The following CNTN4 variants were observed in gnomAD, a reference collection of about 807,000 sequenced individuals.
CNTN4 encodes the protein contactin-4.
Under a neutral mutation model 122.5 loss-of-function variants are expected in CNTN4, and 77 were observed. The observed-to-expected ratio is 0.63, with a 90% CI of 0.52 to 0.76. CNTN4 has a LOEUF of 0.76. CNTN4 is among the 30% of genes least tolerant of loss of function. The pLI, the probability that CNTN4 is intolerant of heterozygous loss-of-function variation, is 0.00. For missense variants in CNTN4, 1,256 were observed against 1,259.1 expected (o/e 1.00, Z 0.04); for synonymous variants, 512 against 447.0 (o/e 1.15, Z -1.83).
At chr3:2,867,362 A>G (rs182049623) in intron 8 of CNTN4, among the ~76,000 whole-genome samples, 23 of 152,354 alleles carry the variant, frequency 1.5e-4, no homozygotes, top group African/African-American at 5.5e-4. Context: ...TACTGAACGC[A>G]TAGTTCCCAC....
At chr3:2,288,385 T>C (rs1486815653) in intron 2 of CNTN4, among the ~76,000 whole-genome samples, 1 of 152,088 alleles carries the variant, frequency 6.6e-6, no homozygotes, top group East Asian at 1.9e-4. Context: ...GGTGGCAGGC[T>C]CTTTTTAACA....
At chr3:2,154,526 C>T (rs2035636043) in intron 2 of CNTN4, among the ~76,000 whole-genome samples, 1 of 152,092 alleles carries the variant, frequency 6.6e-6, no homozygotes, top group East Asian at 1.9e-4. Context: ...TTGTCTGAGT[C>T]TGTGTGCAAA....
At position 2,900,754 on chromosome 3, in the gene CNTN4, G is replaced by A; in HGVS notation, c.1010G>A (p.Cys337Tyr). The A allele has an allele frequency of 6.2e-7, 1 of 1,613,966 alleles. No homozygotes were observed. The highest frequency in any genetic ancestry group is 8.5e-7 in the Non-Finnish European group (1 of 1,179,830). ...ATGGAAGAAAATGTCTTTTGGGAAT[G>A]TAAAGCAAATGGAAGGCCTAAGCCT... ...VAMEENVFWECKANGRPKPTY... is the reference protein window; with the variant it reads ...VAMEENVFWEYKANGRPKPTY... The change falls in exon 11 of 25, where the codon TGT becomes TAT. Residue 337 changes from cysteine (C) to tyrosine (Y), a missense_variant. Coordinates refer to ENST00000418658, the MANE Select transcript of CNTN4 (RefSeq NM_175607.3).
chr3:2,925,599 A>T (rs201402367), intron 12 of CNTN4, 30 bp from the exon 13 acceptor site: 2 of 1,605,544 alleles, frequency 1.2e-6, no homozygotes, highest in African/African-American at 1.3e-5. Flanking sequence ...GCTGTCTTGC[A>T]TAATAATTAT....
intron 3 of CNTN4, among the ~76,000 whole-genome samples, chr3:2,382,871 C>T (rs940513663): frequency 3.3e-5 from 5 of 152,106 alleles, no homozygotes; most frequent in Non-Finnish European, 5.9e-5. Flanking sequence ...GTCAGGAGTT[C>T]GAGACCAGCC....
intron 2 of CNTN4, among the ~76,000 whole-genome samples, chr3:2,227,502 C>G (rs1201246768): frequency 6.6e-6 from 1 of 152,004 alleles, no homozygotes; most frequent in Non-Finnish European, 1.5e-5. Context: ...AAGATTATGC[C>G]CCACTTTACT....
intron 13 of CNTN4, among the ~76,000 whole-genome samples, chr3:2,944,246 A>G (rs1487348401): frequency 6.6e-6 from 1 of 152,020 alleles, no homozygotes; most frequent in African/African-American, 2.4e-5. Context: ...ATTAAATTTT[A>G]TATTAACAGC....
chr3:2,455,889 CCT>C (rs1024766614), intron 3 of CNTN4, among the ~76,000 whole-genome samples: 25 of 151,944 alleles, frequency 1.6e-4, no homozygotes, highest in Non-Finnish European at 3.1e-4. Flanking sequence ...TCAAAACTTG[CCT>C]CTCTTCTCTC....
At chr3:2,745,445 T>C in intron 5 of CNTN4, 77 bp from the exon 6 acceptor site, 2 of 1,185,014 alleles carry the variant, frequency 1.7e-6, no homozygotes, top group Non-Finnish European at 2.5e-6. Context: ...CTATTTATAG[T>C]TTTTATATAT....
At chr3:2,987,620 T>C (rs1346309695) in intron 13 of CNTN4, among the ~76,000 whole-genome samples, 2 of 152,248 alleles carry the variant, frequency 1.3e-5, no homozygotes, top group African/African-American at 4.8e-5. Flanking sequence ...TATTCATCTT[T>C]GTATTTTCCT....
intron 3 of CNTN4, among the ~76,000 whole-genome samples, chr3:2,406,306 G>T (rs1478029282): frequency 6.6e-6 from 1 of 152,090 alleles, no homozygotes; most frequent in Non-Finnish European, 1.5e-5. Context: ...CAGTGAGAAG[G>T]GCACATCAGT....
chr3:2,537,849 G>A (rs903242164), intron 3 of CNTN4, among the ~76,000 whole-genome samples: 1 of 151,916 alleles, frequency 6.6e-6, no homozygotes, highest in Non-Finnish European at 1.5e-5. Flanking sequence ...CAAAGTAATT[G>A]GGGGTACATC....
In CNTN4 at chr3:3,046,942, A is replaced by T. The variant is rs1433037224; in HGVS notation, c.2811+3238A>T. ...AGGGATGGAGGAAGATCTACCAAGG[A>T]AATGGAAAACAAAAAAAAGGCAGGG... On this transcript the variant is annotated intron_variant, in intron 23 of 24. Transcript: ENST00000418658. Among the ~76,000 whole-genome samples, 3 of 137,056 alleles carry T rather than the reference A, an allele frequency of 2.2e-5. 1 individual carries two copies. Among genetic ancestry groups the T allele is most frequent in the African/African-American group, 5.7e-5 (2 of 35,390 alleles). The allele number at this position is 137,056 out of a possible 152,430, so 89.9% of individuals were successfully genotyped here. A position where few individuals can be genotyped will look rare whatever the true frequency, so the allele number is the denominator to read the frequency against.
At chr3:2,580,160 A>G (rs560187676) in intron 4 of CNTN4, among the ~76,000 whole-genome samples, 6 of 152,258 alleles carry the variant, frequency 3.9e-5, no homozygotes, top group African/African-American at 9.6e-5. Context: ...ATATCAGTTA[A>G]TATCAGGACT....
At chr3:2,331,897 C>T (rs899299264) in intron 2 of CNTN4, among the ~76,000 whole-genome samples, 5 of 152,284 alleles carry the variant, frequency 3.3e-5, no homozygotes, top group Admixed American at 1.3e-4. Flanking sequence ...CGCTGGGCTG[C>T]GGAGTTATCT....
chr3:2,605,632 T>C (rs542532306), intron 4 of CNTN4, among the ~76,000 whole-genome samples: 30 of 152,056 alleles, frequency 2.0e-4, no homozygotes, highest in Admixed American at 7.9e-4. Context: ...GAGGTAGAGA[T>C]TGGGAGACAT....
At chr3:2,522,149 T>TTGTGTG (rs71621496) in intron 3 of CNTN4, among the ~76,000 whole-genome samples, 180 of 63,448 alleles carry the variant, frequency 2.8e-3, no homozygotes, top group East Asian at 0.012. Context: ...CCTAAGCAGT[T>TTGTGTG]TGTGTGTGTG....
In CNTN4 at chr3:2,671,405, G is replaced by A. The variant is rs560724839; in HGVS notation, c.56-64810G>A. Among the ~76,000 whole-genome samples, 299 of 152,152 alleles carry A rather than the reference G, an allele frequency of 2.0e-3. 2 individuals are homozygous for A. The highest frequency in any genetic ancestry group is 6.4e-3 in the African/African-American group (265 of 41,504). ...ATCGGCTACTGAAGCTTGTGCGTTC[G>A]TCACATAGTTCTCGTGCCATGGTTT... On this transcript the variant is annotated intron_variant, in intron 4 of 24. Coordinates refer to ENST00000418658, the MANE Select transcript of CNTN4 (RefSeq NM_175607.3).
intron 2 of CNTN4, among the ~76,000 whole-genome samples, chr3:2,122,626 A>T (rs1039165923): frequency 5.9e-5 from 9 of 152,306 alleles, no homozygotes; most frequent in African/African-American, 1.9e-4. Context: ...AAGAATTGGA[A>T]TTTTTTTGGT....
Sources: allele counts gnomAD v4.1 joint callset (sites outside exome capture counted in the v4.1 genomes callset), GRCh38; gene constraint gnomAD v4.1.1; transcripts MANE v1.5; gene names NCBI Gene and HGNC (gene_info 2026-07-23, HGNC 2026-07-21).